Variants in DAB1 observed in about 807,000 individuals in gnomAD.
DAB1 encodes DAB adaptor protein 1.
A neutral mutation model predicts 64.6 loss-of-function variants in DAB1; 15 were observed. The ratio of observed to expected loss-of-function variants is 0.23; its 90% CI spans 0.16 to 0.36. DAB1 has a LOEUF of 0.36. Among genes scored for constraint, DAB1 ranks in the 10% least tolerant of loss-of-function variants. The pLI is 1.00. For missense variants in DAB1, 596 were observed against 706.7 expected (o/e 0.84, Z 1.78); for synonymous variants, 235 against 251.9 (o/e 0.93, Z 0.64).
chr1:57,138,968 T>C lies in DAB1; in HGVS notation c.208-2327A>G, dbSNP rs139938820. Reference sequence around the variant, plus strand: ...ATGGAGCCTAGTGTAAAGCAGGAACTCAAAGAGAAGGAAAGTGACTTTCCC... The same window carrying C: ...ATGGAGCCTAGTGTAAAGCAGGAACCCAAAGAGAAGGAAAGTGACTTTCCC... On this transcript the variant is annotated intron_variant, in intron 3 of 14. Coordinates refer to ENST00000371236, the MANE Select transcript of DAB1 (RefSeq NM_001365792.1). 3.6e-3 allele frequency among the ~76,000 whole-genome samples: 545 copies of C among 152,292 alleles called. 2 individuals are homozygous for C. Among genetic ancestry groups the C allele is most frequent in the Admixed American group, 0.011 (162 of 15,292 alleles).
chr1:57,033,007 A>G (rs1647013526), intron 9 of DAB1, among the ~76,000 whole-genome samples: 2 of 152,194 alleles, frequency 1.3e-5, no homozygotes, highest in Admixed American at 1.3e-4. Flanking sequence ...GTCATATCTT[A>G]TCCCAGGCAA....
chr1:57,810,566 A>G (rs564238551), intron 6 of DAB1, among the ~76,000 whole-genome samples: 5 of 152,262 alleles, frequency 3.3e-5, no homozygotes, highest in African/African-American at 1.2e-4. Flanking sequence ...TGCTCTGCCT[A>G]TGACCATCTG....
At chr1:57,892,150 T>C (rs1346203125) in intron 5 of DAB1, among the ~76,000 whole-genome samples, 1 of 152,024 alleles carries the variant, frequency 6.6e-6, no homozygotes, top group African/African-American at 2.4e-5. Context: ...ATAGTAGACA[T>C]CTATGAGGTT....
chr1:58,084,903 G>A (rs919895193), intron 5 of DAB1, among the ~76,000 whole-genome samples: 7 of 151,964 alleles, frequency 4.6e-5, no homozygotes, highest in African/African-American at 1.7e-4. Context: ...GGCTACTTCT[G>A]GAGAAACATG....
intron 6 of DAB1, among the ~76,000 whole-genome samples, chr1:57,754,374 T>C (rs1648694028): frequency 1.3e-5 from 2 of 152,274 alleles, no homozygotes; most frequent in South Asian, 4.1e-4. Context: ...TTTATTTAAT[T>C]GAATTTTGTA....
intron 6 of DAB1, among the ~76,000 whole-genome samples, chr1:57,693,872 C>T (rs181001198): frequency 6.6e-6 from 1 of 152,292 alleles, no homozygotes; most frequent in Admixed American, 6.5e-5. Flanking sequence ...AGACCAAGAA[C>T]CCACCAGAAG....
chr1:58,249,336 G>A lies in DAB1; in HGVS notation n.309+94016C>T, dbSNP rs538976111. On this transcript the variant is annotated intron_variant and non_coding_transcript_variant, in intron 4 of 20. Coordinates refer to the DAB1 transcript ENST00000485760. ...CCCCGCCCCGCCCCACACCCCACCT[G>A]GGCTGGATTCCCACCTCATCATCAG... is the stretch of plus-strand genomic sequence containing the variant. Among the ~76,000 whole-genome samples the A allele has an allele frequency of 2.0e-5, 3 of 151,558 alleles. No individual in the cohort carries two copies. The East Asian group carries it at 5.9e-4, about 30-fold the overall frequency.
At chr1:57,270,787 TACTC>T (rs1670933551) in intron 2 of DAB1, among the ~76,000 whole-genome samples, 1 of 152,168 alleles carries the variant, frequency 6.6e-6, no homozygotes, top group South Asian at 2.1e-4. Context: ...CCTCCACCAA[TACTC>T]ACTGAGCACC....
intron 3 of DAB1, among the ~76,000 whole-genome samples, chr1:58,373,220 G>C (rs971859503): frequency 7.3e-5 from 10 of 136,334 alleles, no homozygotes; most frequent in Non-Finnish European, 1.6e-4. Flanking sequence ...TGTGCACATT[G>C]TGCAGGTCAG....
chr1:57,442,138 C>A (rs926356373), intron 7 of DAB1, among the ~76,000 whole-genome samples: 9 of 152,134 alleles, frequency 5.9e-5, no homozygotes, highest in African/African-American at 2.2e-4. Flanking sequence ...TTCTCAGCTG[C>A]ACTTATCTGA....
At position 57,159,856 on chromosome 1, in the gene DAB1, C is replaced by CAAAAAAAAAAA. The variant is rs398049302; in HGVS notation, c.68-14438_68-14428dup. On this transcript the variant is annotated intron_variant, in intron 2 of 14. Coordinates refer to ENST00000371236, the MANE Select transcript of DAB1 (RefSeq NM_001365792.1). ...CACGTACAAGGTAGAAGCAGCAAGACAAAAAAAAAAAAAAAAAAAAAGGAA... is the reference window on the plus strand; with the variant it reads ...CACGTACAAGGTAGAAGCAGCAAGACAAAAAAAAAAAAAAAAAAAAAAAAAAAAAAAAGGAA... Among the ~76,000 whole-genome samples the CAAAAAAAAAAA allele has an allele frequency of 1.6e-3, 141 of 86,314 alleles. 1 individual carries two copies. The highest frequency in any genetic ancestry group is 2.6e-3 in the Non-Finnish European group (116 of 44,414). 56.6% of individuals were successfully genotyped at this position (86,314 alleles called of 152,430 possible). A position where few individuals can be genotyped will look rare whatever the true frequency, so the allele number is the denominator to read the frequency against.
chr1:58,350,275 T>G (rs555453701), intron 3 of DAB1, among the ~76,000 whole-genome samples: 1 of 152,234 alleles, frequency 6.6e-6, no homozygotes, highest in South Asian at 2.1e-4. Context: ...TGTCTGCTCA[T>G]ATCCTCTGCA....
chr1:58,364,316 T>C (rs890466288), intron 3 of DAB1, among the ~76,000 whole-genome samples: 1 of 152,204 alleles, frequency 6.6e-6, no homozygotes, highest in African/African-American at 2.4e-5. Flanking sequence ...TTTAAGGTAA[T>C]GAGCTATTCC....
intron 5 of DAB1, among the ~76,000 whole-genome samples, chr1:58,122,371 G>C (rs995593496): frequency 2.0e-5 from 3 of 152,086 alleles, no homozygotes; most frequent in Non-Finnish European, 2.9e-5. Context: ...GGATGACTTT[G>C]GGCAAGTCCC....
intron 3 of DAB1, among the ~76,000 whole-genome samples, chr1:58,478,962 A>G (rs1482726423): frequency 6.6e-6 from 1 of 152,222 alleles, no homozygotes; most frequent in Non-Finnish European, 1.5e-5. Flanking sequence ...TTCAACTGCT[A>G]TTTAATTTCT....
rs528530073 is a variant in DAB1, at chr1:57,047,893, G to A, written c.723+14991C>T. ...CCAGTAGACTAAAACCATCTTCGTC[G>A]CTGGGGCAGGTCTTGCTCATCCTTA... is the stretch of plus-strand genomic sequence containing the variant. On this transcript the variant is annotated intron_variant, in intron 9 of 14. Transcript: ENST00000371236. Among the ~76,000 whole-genome samples, 15 of 152,258 alleles carry A rather than the reference G, an allele frequency of 9.9e-5. No homozygotes were observed. In the Middle Eastern group the frequency reaches 0.01, roughly 104 times the overall value.
intron 4 of DAB1, among the ~76,000 whole-genome samples, chr1:58,295,936 C>CA (rs1420449182): frequency 2.0e-5 from 3 of 150,840 alleles, no homozygotes; most frequent in Non-Finnish European, 4.4e-5. Flanking sequence ...ATTAAAAATA[C>CA]AAAAAAATTA....
At position 57,359,100 on chromosome 1, in the gene DAB1, A is replaced by T. The variant is rs1570363273; in HGVS notation, c.-137+64830T>A. On this transcript the variant is annotated intron_variant, in intron 1 of 14. Coordinates refer to ENST00000371236, the MANE Select transcript of DAB1 (RefSeq NM_001365792.1). Reference sequence around the variant, plus strand: ...GTAACGAATAGACAAATGAGATTACATCAATCTAAAAAGCTGCTGCACAGC... The same window carrying T: ...GTAACGAATAGACAAATGAGATTACTTCAATCTAAAAAGCTGCTGCACAGC... Among the ~76,000 whole-genome samples the T allele has an allele frequency of 2.6e-5, 4 of 152,226 alleles. No individual in the cohort carries two copies. In the Middle Eastern group the frequency reaches 0.014, roughly 521 times the overall value.
At chr1:58,039,109 G>A (rs1647092866) in intron 5 of DAB1, among the ~76,000 whole-genome samples, 2 of 152,090 alleles carry the variant, frequency 1.3e-5, no homozygotes, top group South Asian at 4.1e-4. Flanking sequence ...TGCTGTTACT[G>A]CAGACTGCTA....
Sources: allele counts gnomAD v4.1 joint callset (sites outside exome capture counted in the v4.1 genomes callset), GRCh38; gene constraint gnomAD v4.1.1; transcripts MANE v1.5; gene names NCBI Gene and HGNC (gene_info 2026-07-23, HGNC 2026-07-21).